Variants in CSMD1 observed in about 807,000 individuals in gnomAD.
CSMD1 encodes the protein CUB and Sushi multiple domains 1.
CSMD1 carries 213 observed loss-of-function variants against 417.5 expected under a neutral mutation model. The ratio of observed to expected loss-of-function variants is 0.51; its 90% CI spans 0.46 to 0.57. CSMD1 has a LOEUF of 0.57. Among genes scored for constraint, CSMD1 ranks in the 20% least tolerant of loss-of-function variants. The pLI is 0.00. For synonymous variants in CSMD1, 2,862 were observed against 1,736.8 expected (o/e 1.65, Z -16.11); for missense variants, 6,923 against 4,529.7 (o/e 1.53, Z -15.17).
At chr8:4,025,908 T>G (rs1456610729) in intron 4 of CSMD1, among the ~76,000 whole-genome samples, 1 of 152,094 alleles carries the variant, frequency 6.6e-6, no homozygotes, top group Non-Finnish European at 1.5e-5. Flanking sequence ...TAGGTGTCAT[T>G]ATTCAGGGAA....
In CSMD1 at chr8:3,586,155, G is replaced by T; in HGVS notation, c.1203C>A (p.Asp401Glu). 1 of 1,612,766 alleles carries T rather than the reference G, an allele frequency of 6.2e-7. No homozygotes were observed. Among genetic ancestry groups the T allele is most frequent in the Non-Finnish European group, 8.5e-7 (1 of 1,179,394 alleles). The change falls in exon 9 of 70, where the codon GAC becomes GAA. Residue 401 changes from aspartate to glutamate, a missense_variant. Physicochemically the swap from Asp to Glu is conservative, Grantham distance 45 (BLOSUM62 2). Transcript: ENST00000635120. ...RVTETLAAWSDHRPICRARTC... is the reference protein window; with the variant it reads ...RVTETLAAWSEHRPICRARTC... Reference sequence around the variant, plus strand: ...CCTTACCTCGGCAGATGGGCCTGTGGTCACTCCAAGCAGCGAGCGTCTCTG... The same window carrying T: ...CCTTACCTCGGCAGATGGGCCTGTGTTCACTCCAAGCAGCGAGCGTCTCTG...
intron 5 of CSMD1, among the ~76,000 whole-genome samples, chr8:3,791,998 T>C (rs1799771881): frequency 7.1e-6 from 1 of 141,558 alleles, no homozygotes. Flanking sequence ...TGATTTCTAA[T>C]TCTTTTGTTT....
chr8:3,984,402 G>C (rs185070528), intron 5 of CSMD1, among the ~76,000 whole-genome samples: 16 of 152,158 alleles, frequency 1.1e-4, no homozygotes, highest in Admixed American at 3.9e-4. Context: ...TTCTAAACTG[G>C]TGAGTACTTT....
In CSMD1 at chr8:4,300,869, A is replaced by G. The variant is rs1041008653; in HGVS notation, c.415+119084T>C. ...TCCCTACAAAGGACATGAACTCATC[A>G]TTTTTTATGGCTACATAGTATTCCA... is the stretch of plus-strand genomic sequence containing the variant. On this transcript the variant is annotated intron_variant, in intron 3 of 69. Coordinates refer to ENST00000635120, the MANE Select transcript of CSMD1 (RefSeq NM_033225.6). Among the ~76,000 whole-genome samples, 2 of 152,082 alleles carry G rather than the reference A, an allele frequency of 1.3e-5. 1 individual carries two copies. The highest frequency in any genetic ancestry group is 4.8e-5 in the African/African-American group (2 of 41,398).
At chr8:2,987,530 CACT>C (rs1806027263) in intron 54 of CSMD1, among the ~76,000 whole-genome samples, 1 of 151,764 alleles carries the variant, frequency 6.6e-6, no homozygotes, top group Non-Finnish European at 1.5e-5. Flanking sequence ...AAAGCTTATT[CACT>C]ACTATTTTGA....
chr8:3,572,655 T>G lies in CSMD1; in HGVS notation c.1344+2290A>C, dbSNP rs146450884. ...AGAAGAGTTCCTTCTGCCTCTCAAA[T>G]TGCAGAAGTAACATAATTCTGTATT... On this transcript the variant is annotated intron_variant, in intron 10 of 69. Transcript: ENST00000635120. Among the ~76,000 whole-genome samples the G allele has an allele frequency of 4.7e-3, 710 of 152,332 alleles. 4 individuals carry two copies. Among genetic ancestry groups the G allele is most frequent in the Non-Finnish European group, 7.8e-3 (530 of 68,022 alleles).
chr8:3,924,490 A>G (rs1050369066), intron 5 of CSMD1, among the ~76,000 whole-genome samples: 1 of 152,154 alleles, frequency 6.6e-6, no homozygotes, highest in African/African-American at 2.4e-5. Flanking sequence ...CTTCTATGAT[A>G]CATATATTGA....
intron 3 of CSMD1, among the ~76,000 whole-genome samples, chr8:4,160,366 A>G (rs1477105993): frequency 2.6e-5 from 4 of 152,336 alleles, no homozygotes; most frequent in South Asian, 2.1e-4. Flanking sequence ...AATGAAGCCA[A>G]CTTTGGAAAT....
intron 1 of CSMD1, among the ~76,000 whole-genome samples, chr8:4,929,102 G>A (rs1245932603): frequency 1.3e-5 from 2 of 152,210 alleles, no homozygotes; most frequent in Admixed American, 1.3e-4. Flanking sequence ...TTTAGGATGG[G>A]CTTTAATTCA....
At chr8:4,391,021 C>G (rs937057594) in intron 3 of CSMD1, among the ~76,000 whole-genome samples, 1 of 152,130 alleles carries the variant, frequency 6.6e-6, no homozygotes, top group Non-Finnish European at 1.5e-5. Context: ...TCATTTTATC[C>G]TAAGAATCAT....
intron 3 of CSMD1, among the ~76,000 whole-genome samples, chr8:4,133,587 T>C (rs1340188604): frequency 6.6e-6 from 1 of 152,194 alleles, no homozygotes; most frequent in Non-Finnish European, 1.5e-5. Flanking sequence ...CGCCGATATG[T>C]GTAATAAACA....
intron 1 of CSMD1, among the ~76,000 whole-genome samples, chr8:4,792,423 G>A (rs1265906992): frequency 6.6e-6 from 1 of 152,250 alleles, no homozygotes; most frequent in South Asian, 2.1e-4. Flanking sequence ...ATATTCAGCA[G>A]TGGTACAGCC....
chr8:3,411,009 G>A (rs61267782), intron 12 of CSMD1, among the ~76,000 whole-genome samples: 8 of 152,210 alleles, frequency 5.3e-5, no homozygotes, highest in East Asian at 3.9e-4. Context: ...CCAGTGTGCC[G>A]GGCAGGGCAG....
At chr8:4,914,269 AT>A (rs1805902676) in intron 1 of CSMD1, among the ~76,000 whole-genome samples, 4 of 152,234 alleles carry the variant, frequency 2.6e-5, no homozygotes, top group Admixed American at 2.0e-4. Flanking sequence ...AAATAGAAAC[AT>A]TTCACTTTAA....
chr8:2,990,927 T>G (rs776533472), intron 54 of CSMD1, among the ~76,000 whole-genome samples: 2 of 152,248 alleles, frequency 1.3e-5, no homozygotes, highest in Admixed American at 6.5e-5. Flanking sequence ...TGCTCTGGTC[T>G]TTCTTCATTC....
chr8:3,128,326 G>C (rs1215297090), intron 41 of CSMD1: 1 of 152,504 alleles, frequency 6.6e-6, no homozygotes, highest in African/African-American at 2.4e-5. Flanking sequence ...TCTTGACTTA[G>C]AAATAGAGTG....
chr8:3,984,540 G>A (rs1022487137), intron 5 of CSMD1, among the ~76,000 whole-genome samples: 34 of 151,198 alleles, frequency 2.2e-4, no homozygotes, highest in East Asian at 1.9e-3. Flanking sequence ...TTGATTTTTC[G>A]TCTAGGTATA....
At chr8:4,320,151 C>T (rs1799185636) in intron 3 of CSMD1, among the ~76,000 whole-genome samples, 1 of 152,122 alleles carries the variant, frequency 6.6e-6, no homozygotes, top group Non-Finnish European at 1.5e-5. Flanking sequence ...AAGCACAAAA[C>T]TTTATTTAGA....
rs56850233 is a variant in CSMD1, at chr8:4,118,402, CA to C, written c.416-86304del. Among the ~76,000 whole-genome samples, 1,146 of 127,040 alleles carry C rather than the reference CA, an allele frequency of 9.0e-3. 9 individuals carry two copies. Among genetic ancestry groups the C allele is most frequent in the Non-Finnish European group, 0.011 (612 of 57,358 alleles). 83.3% of individuals were successfully genotyped at this position (127,040 alleles called of 152,430 possible). ...TCTACAAAGAACTTAAAGAAATTTA[CA>C]AAAAAAAAAAATCAAAAAGTATACA... is the stretch of plus-strand genomic sequence containing the variant. On this transcript the variant is annotated intron_variant, in intron 3 of 69. Coordinates refer to ENST00000635120, the MANE Select transcript of CSMD1 (RefSeq NM_033225.6).
Sources: allele counts gnomAD v4.1 joint callset (sites outside exome capture counted in the v4.1 genomes callset), GRCh38; gene constraint gnomAD v4.1.1; transcripts MANE v1.5; gene names NCBI Gene and HGNC (gene_info 2026-07-23, HGNC 2026-07-21).